The following GRIA2 variants were observed in gnomAD, a reference collection of about 807,000 sequenced individuals.
GRIA2 encodes the protein glutamate receptor 2.
Under a neutral mutation model 97.3 loss-of-function variants are expected in GRIA2, and 14 were observed. The observed-to-expected ratio is 0.14, with a 90% CI of 0.10 to 0.23. The LOEUF (loss-of-function observed/expected upper bound fraction) is 0.23, where lower values mean the gene tolerates loss of function less well. Ranked by LOEUF, GRIA2 falls within the 10% of genes least tolerant of loss-of-function variation. The pLI, the probability that GRIA2 is intolerant of heterozygous loss-of-function variation, is 1.00. For missense variants in GRIA2, 558 were observed against 1,069.8 expected, an observed-to-expected ratio of 0.52 and a Z score of 6.67; for synonymous variants, 412 against 387.8, an observed-to-expected ratio of 1.06 and a Z score of -0.73.
At chr4:157,289,970 G>C (rs1292375939) in intron 2 of GRIA2, among the ~76,000 whole-genome samples, 2 of 151,696 alleles carry the variant, frequency 1.3e-5, no homozygotes, top group Admixed American at 1.3e-4. Flanking sequence ...CAGCCCTACT[G>C]TCACTATCTG....
chr4:157,306,863 C>T (rs888268276), intron 3 of GRIA2, among the ~76,000 whole-genome samples: 7 of 152,102 alleles, frequency 4.6e-5, no homozygotes, highest in Non-Finnish European at 8.8e-5. Context: ...AAGTAGGCAC[C>T]TCCTTGCTTT....
At chr4:157,292,305 T>A (rs533485300) in intron 2 of GRIA2, among the ~76,000 whole-genome samples, 11 of 152,116 alleles carry the variant, frequency 7.2e-5, no homozygotes, top group Non-Finnish European at 1.2e-4. Context: ...AGGAAATCAA[T>A]AAAATTACAT....
chr4:157,253,776 G>A (rs879492023), intron 2 of GRIA2, among the ~76,000 whole-genome samples: 40 of 152,094 alleles, frequency 2.6e-4, no homozygotes, highest in Non-Finnish European at 5.4e-4. Flanking sequence ...TAATTTCACT[G>A]GGAATTTTAA....
chr4:157,320,578 A>C (rs1244210704), intron 5 of GRIA2, among the ~76,000 whole-genome samples: 3 of 152,112 alleles, frequency 2.0e-5, no homozygotes, highest in African/African-American at 4.8e-5. Flanking sequence ...CTTCTCCTTC[A>C]GCTAAATAAT....
intron 2 of GRIA2, among the ~76,000 whole-genome samples, chr4:157,263,664 A>G (rs1296314313): frequency 6.6e-6 from 1 of 152,008 alleles, no homozygotes. Flanking sequence ...CCCTAAATCA[A>G]TTTAATAGTG....
At chr4:157,257,224 T>C (rs1731318746) in intron 2 of GRIA2, among the ~76,000 whole-genome samples, 1 of 152,090 alleles carries the variant, frequency 6.6e-6, no homozygotes, top group Non-Finnish European at 1.5e-5. Context: ...TATCACTTTT[T>C]TATCCCAAGC....
chr4:157,254,073 A>G (rs1326352525), intron 2 of GRIA2, among the ~76,000 whole-genome samples: 1 of 151,918 alleles, frequency 6.6e-6, no homozygotes, highest in East Asian at 1.9e-4. Context: ...AAAATGAGAG[A>G]CATTAATGCT....
At position 157,220,760 on chromosome 4, in the gene GRIA2, T is replaced by G. The variant is rs777916396; in HGVS notation, c.-283T>G. On this transcript the variant is annotated 5_prime_UTR_variant, in exon 1 of 16. Transcript: ENST00000264426. ...TGTGAGTGCATGGGAGGGTGCTGAA[T>G]ATTCCGAGACACTGGGACCACAGCG... The G allele has an allele frequency of 6.0e-6, 3 of 499,260 alleles. No homozygotes were observed. The highest frequency in any genetic ancestry group is 2.2e-5 in the South Asian group (1 of 45,316). The allele number at this position is 499,260 out of a possible 1,614,324, so 30.9% of individuals were successfully genotyped here. A position where few individuals can be genotyped will look rare whatever the true frequency, so the allele number is the denominator to read the frequency against.
intron 2 of GRIA2, among the ~76,000 whole-genome samples, chr4:157,277,047 A>G (rs1732351177): frequency 6.6e-6 from 1 of 151,938 alleles, no homozygotes; most frequent in Non-Finnish European, 1.5e-5. Flanking sequence ...TTTTATAAGC[A>G]ACATTACCCT....
At chr4:157,243,986 A>C (rs1201374693) in intron 2 of GRIA2, among the ~76,000 whole-genome samples, 1 of 152,076 alleles carries the variant, frequency 6.6e-6, no homozygotes, top group East Asian at 1.9e-4. Flanking sequence ...AAAGGAAATC[A>C]GTAGGGAGCA....
intron 3 of GRIA2, among the ~76,000 whole-genome samples, chr4:157,308,993 G>A (rs544477049): frequency 6.6e-6 from 1 of 152,126 alleles, no homozygotes; most frequent in African/African-American, 2.4e-5. Context: ...GAGTTTGAGA[G>A]TCAGTTACTA....
intron 2 of GRIA2, among the ~76,000 whole-genome samples, chr4:157,294,462 G>C (rs1733250689): frequency 6.6e-6 from 1 of 151,660 alleles, no homozygotes; most frequent in Non-Finnish European, 1.5e-5. Flanking sequence ...AAAAAAAAGA[G>C]AGAGAGAGAA....
At chr4:157,242,890 A>T (rs1307193476) in intron 2 of GRIA2, among the ~76,000 whole-genome samples, 1 of 152,118 alleles carries the variant, frequency 6.6e-6, no homozygotes, top group African/African-American at 2.4e-5. Flanking sequence ...CTAATCTAAC[A>T]TACATATTTT....
chr4:157,248,625 GTA>G (rs1255840304), intron 2 of GRIA2, among the ~76,000 whole-genome samples: 1 of 16,304 alleles, frequency 6.1e-5, no homozygotes, highest in Non-Finnish European at 1.3e-4. Flanking sequence ...GTATATATAC[GTA>G]TATATATACA....
intron 2 of GRIA2, among the ~76,000 whole-genome samples, chr4:157,277,846 G>GTATATATGTA (rs1303617879): frequency 2.8e-5 from 4 of 141,924 alleles, no homozygotes; most frequent in African/African-American, 7.7e-5. Flanking sequence ...ATATATATAT[G>GTATATATGTA]TATATATGTA....
At chr4:157,353,785 T>A (rs1736126819) in intron 12 of GRIA2, among the ~76,000 whole-genome samples, 1 of 152,182 alleles carries the variant, frequency 6.6e-6, no homozygotes, top group South Asian at 2.1e-4. Flanking sequence ...TTACATTATT[T>A]TAGTGTTAGA....
chr4:157,293,210 T>A (rs1321957114), intron 2 of GRIA2, among the ~76,000 whole-genome samples: 1 of 152,158 alleles, frequency 6.6e-6, no homozygotes, highest in Non-Finnish European at 1.5e-5. Flanking sequence ...TAATCTGTTC[T>A]GCAGAAATAA....
At chr4:157,318,237 T>C (rs1294304221) in intron 5 of GRIA2, among the ~76,000 whole-genome samples, 1 of 152,198 alleles carries the variant, frequency 6.6e-6, no homozygotes, top group African/African-American at 2.4e-5. Flanking sequence ...TCACTGTCTC[T>C]ATTTTTTATA....
At chr4:157,321,410 G>C (rs1356770766) in intron 5 of GRIA2, 28 bp from the exon 6 acceptor site, 3 of 1,549,354 alleles carry the variant, frequency 1.9e-6, no homozygotes, top group East Asian at 2.3e-5. Flanking sequence ...CAAACAAAAA[G>C]CGTGATATCA....
Sources: allele counts gnomAD v4.1 joint callset (sites outside exome capture counted in the v4.1 genomes callset), GRCh38; gene constraint gnomAD v4.1.1; transcripts MANE v1.5; gene names NCBI Gene and HGNC (gene_info 2026-07-23, HGNC 2026-07-21).